GRIA2: variants seen among roughly 807,000 people sequenced by gnomAD.
GRIA2 encodes the protein glutamate ionotropic receptor AMPA type subunit 2, also known as glutamate receptor 2.
A neutral mutation model predicts 97.3 loss-of-function variants in GRIA2; 14 were observed. The ratio of observed to expected loss-of-function variants is 0.14; its 90% confidence interval spans 0.10 to 0.23. GRIA2 has a LOEUF of 0.23. Among genes scored for constraint, GRIA2 ranks in the 10% least tolerant of loss-of-function variants. The pLI, the probability that GRIA2 is intolerant of heterozygous loss-of-function variation, is 1.00. For synonymous variants in GRIA2, 412 were observed against 387.8 expected, an observed-to-expected ratio of 1.06 and a Z score of -0.73; for missense variants, 558 against 1,069.8, an observed-to-expected ratio of 0.52 and a Z score of 6.67.
chr4:157,229,644 T>C, intron 2 of GRIA2, among the ~76,000 whole-genome samples: 1 of 152,350 alleles, frequency 6.6e-6, no homozygotes, highest in Admixed American at 6.5e-5. Context: ...TAATTTTATA[T>C]ATTTATGGTT....
intron 2 of GRIA2, among the ~76,000 whole-genome samples, chr4:157,277,525 A>G (rs1285993614): frequency 1.3e-5 from 2 of 151,772 alleles, no homozygotes; most frequent in Non-Finnish European, 3.0e-5. Flanking sequence ...TGGAATTCTT[A>G]GCTAATGTAA....
rs949513533 is a variant in GRIA2, at chr4:157,362,958, A to T, written c.2566A>T (p.Asn856Tyr). 6.2e-7 allele frequency: 1 copy of T among 1,613,590 alleles called. No individual in the cohort carries two copies. The highest frequency in any genetic ancestry group is 8.5e-7 in the Non-Finnish European group (1 of 1,179,618). Residue 856 changes from asparagine to tyrosine, a missense_variant, in exon 15 of 16, where the codon AAC becomes TAC. By Grantham distance (143) the Asn-to-Tyr change is moderately radical. This residue lies in a region of GRIA2 where 54 missense variants were observed against 82.1 expected (regional missense o/e 0.66). Coordinates refer to ENST00000264426, the MANE Select transcript of GRIA2 (RefSeq NM_001083619.3). ...GGTGGCAAAGAATGCACAGAATATT[A>T]ACCCATCTTCCTCGCAGAATTCACA... ...MKVAKNAQNI[N>Y]PSSSQNSQNF...
chr4:157,284,138 A>G (rs1732732189), intron 2 of GRIA2, among the ~76,000 whole-genome samples: 2 of 151,896 alleles, frequency 1.3e-5, no homozygotes, highest in Non-Finnish European at 2.9e-5. Context: ...ACTTAATGAG[A>G]TGCAATTTAT....
At position 157,365,214 on chromosome 4, in the gene GRIA2, A is replaced by G. The variant is rs1736832056; in HGVS notation, c.*1783A>G. 1 of 151,718 alleles carries G rather than the reference A, an allele frequency of 6.6e-6. No individual in the cohort carries two copies. The highest frequency in any genetic ancestry group is 2.1e-4 in the South Asian group (1 of 4,834). The allele number at this position is 151,718 out of a possible 1,614,324, so 9.4% of individuals were successfully genotyped here. On this transcript the variant is annotated 3_prime_UTR_variant, in exon 16 of 16. Transcript: ENST00000264426. ...ATTGAACATGGAGGCATGTGGTATC[A>G]TGATATTCTTCACTAAATTTAGCTG... is the stretch of plus-strand genomic sequence containing the variant.
At chr4:157,347,311 A>G (rs1735804009) in intron 12 of GRIA2, among the ~76,000 whole-genome samples, 1 of 152,180 alleles carries the variant, frequency 6.6e-6, no homozygotes, top group African/African-American at 2.4e-5. Context: ...TTCTTTGCCA[A>G]TGTCAATGTG....
intron 6 of GRIA2, among the ~76,000 whole-genome samples, chr4:157,322,510 C>T (rs1177435494): frequency 3.3e-5 from 5 of 152,074 alleles, no homozygotes; most frequent in African/African-American, 7.2e-5. Context: ...TTATTTGATG[C>T]ATTTTATTGG....
intron 2 of GRIA2, among the ~76,000 whole-genome samples, chr4:157,282,054 C>T (rs1389994526): frequency 5.3e-5 from 8 of 152,124 alleles, no homozygotes; most frequent in African/African-American, 1.9e-4. Context: ...TTCACTAACA[C>T]AACACATGAG....
intron 5 of GRIA2, among the ~76,000 whole-genome samples, chr4:157,320,938 T>C (rs1042848275): frequency 2.6e-5 from 4 of 152,144 alleles, no homozygotes; most frequent in Non-Finnish European, 5.9e-5. Context: ...TGTGAAATTG[T>C]TTAATTGTTC....
At chr4:157,271,231 C>T (rs1732010216) in intron 2 of GRIA2, among the ~76,000 whole-genome samples, 1 of 151,920 alleles carries the variant, frequency 6.6e-6, no homozygotes, top group Non-Finnish European at 1.5e-5. Context: ...CTGTAGCAGA[C>T]ACCAGGTAGG....
At chr4:157,275,057 A>C (rs1302442743) in intron 2 of GRIA2, among the ~76,000 whole-genome samples, 1 of 151,972 alleles carries the variant, frequency 6.6e-6, no homozygotes, top group African/African-American at 2.4e-5. Context: ...AATGATTGCC[A>C]TTCTAACTGG....
At chr4:157,226,035 T>C (rs1011374175) in intron 2 of GRIA2, among the ~76,000 whole-genome samples, 2 of 151,910 alleles carry the variant, frequency 1.3e-5, no homozygotes, top group Non-Finnish European at 2.9e-5. Context: ...GGTTTGAAAA[T>C]TAAAAGTATT....
Position 157,291,430 on chromosome 4 carries a change from A to G in GRIA2, c.230-12122A>G, listed in dbSNP as rs1733097678. 2.6e-5 allele frequency among the ~76,000 whole-genome samples: 4 copies of G among 151,996 alleles called. No individual in the cohort carries two copies. In the South Asian group the frequency reaches 8.3e-4, roughly 31 times the overall value. ...ATATTGATGTTATGTAACTTGCAATATATTTTCTCCTATTTTTTTTAATTG... is the reference window on the plus strand; with the variant it reads ...ATATTGATGTTATGTAACTTGCAATGTATTTTCTCCTATTTTTTTTAATTG... On this transcript the variant is annotated intron_variant, in intron 2 of 15. Transcript: ENST00000264426.
chr4:157,303,599 G>A lies in GRIA2; in HGVS notation c.277G>A (p.Asp93Asn), dbSNP rs1560756143. The change falls in exon 3 of 16, where the codon GAC becomes AAC. Residue 93 changes from aspartate (D) to asparagine (N), a missense_variant. Transcript: ENST00000264426. ...RGVYAIFGFY[D>N]KKSVNTITSF... The stretch of plus-strand genomic sequence containing the variant: ...AGTCTATGCTATTTTTGGATTTTAT[G>A]ACAAGAAGTCTGTAAATACCATCAC... 6.2e-7 allele frequency: 1 copy of A among 1,613,702 alleles called. No homozygotes were observed.
chr4:157,310,849 T>A (rs1734048429), intron 3 of GRIA2, among the ~76,000 whole-genome samples: 1 of 152,088 alleles, frequency 6.6e-6, no homozygotes. Flanking sequence ...ATATGCCCTA[T>A]AACTTGGTAG....
At chr4:157,338,777 G>T (rs1735417639) in intron 11 of GRIA2, among the ~76,000 whole-genome samples, 1 of 151,822 alleles carries the variant, frequency 6.6e-6, no homozygotes, top group South Asian at 2.1e-4. Flanking sequence ...TTTCACTTAT[G>T]CTATATATGA....
intron 6 of GRIA2, among the ~76,000 whole-genome samples, chr4:157,329,056 C>G (rs1267058281): frequency 1.3e-5 from 2 of 151,970 alleles, no homozygotes; most frequent in East Asian, 1.9e-4. Context: ...ACAGACAGCT[C>G]TTTTCCATAG....
chr4:157,356,479 A>G (rs1736383685), intron 12 of GRIA2, among the ~76,000 whole-genome samples: 2 of 151,896 alleles, frequency 1.3e-5, no homozygotes, highest in Admixed American at 1.3e-4. Context: ...TCCCTCTTCT[A>G]CTTTGGTAAA....
At chr4:157,298,932 AG>A (rs1011279224) in intron 2 of GRIA2, among the ~76,000 whole-genome samples, 1 of 152,070 alleles carries the variant, frequency 6.6e-6, no homozygotes, top group Non-Finnish European at 1.5e-5. Flanking sequence ...GACCACTAAG[AG>A]GCAGAGTGAA....
chr4:157,254,981 A>G (rs1731176732), intron 2 of GRIA2, among the ~76,000 whole-genome samples: 1 of 152,032 alleles, frequency 6.6e-6, no homozygotes, highest in South Asian at 2.1e-4. Flanking sequence ...TGTTAGATGG[A>G]TATATTAGGT....
Sources: allele counts gnomAD v4.1 joint callset (sites outside exome capture counted in the v4.1 genomes callset), GRCh38; gene constraint gnomAD v4.1.1; regional missense constraint gnomAD v4.1.1; transcripts MANE v1.5; gene names NCBI Gene and HGNC (gene_info 2026-07-23, HGNC 2026-07-21).